The following ESYT3 variants were observed in gnomAD, a reference collection of about 807,000 sequenced individuals.
ESYT3 encodes the protein extended synaptotagmin-3.
In ESYT3, 101 loss-of-function variants were observed where a neutral mutation model predicts 111.5. That is an observed-to-expected ratio of 0.91 (90% CI 0.77 to 1.07). ESYT3 has a LOEUF of 1.07. Among genes scored for constraint, ESYT3 ranks in the 50% least tolerant of loss-of-function variants. ESYT3 has a pLI of 0.00. For missense variants in ESYT3, 1,097 were observed against 1,109.4 expected (o/e 0.99, Z 0.16); for synonymous variants, 416 against 446.8 (o/e 0.93, Z 0.87).
chr3:138,448,588 C>T (rs1321803401), intron 1 of ESYT3, among the ~76,000 whole-genome samples: 3 of 151,996 alleles, frequency 2.0e-5, no homozygotes, highest in African/African-American at 4.8e-5. Context: ...AAGACCTAAA[C>T]GTGAAAGCCA....
chr3:138,477,308 G>A lies in ESYT3; in HGVS notation c.*454G>A, dbSNP rs2033530856. On this transcript the variant is annotated 3_prime_UTR_variant, in exon 23 of 23. Transcript: ENST00000389567. ...ATTCCTGGGCAGTGACTGGCCAAAG[G>A]GAAGTCACTTTTTTATGGAAATAGA... 1 of 152,874 alleles carries A rather than the reference G, an allele frequency of 6.5e-6. No individual in the cohort carries two copies. Among genetic ancestry groups the A allele is most frequent in the East Asian group, 1.9e-4 (1 of 5,230 alleles). The allele number at this position is 152,874 out of a possible 1,614,324, so 9.5% of individuals were successfully genotyped here. A position where few individuals can be genotyped will look rare whatever the true frequency, so the allele number is the denominator to read the frequency against.
chr3:138,465,351 G>C lies in ESYT3; in HGVS notation c.1099G>C (p.Glu367Gln), dbSNP rs775152608. ...WNEVFEFMVY[E>Q]VPGQDLEVDL... is the part of the protein sequence containing the mutation. ...TTTTTCCTTCCAGTTCATGGTGTAC[G>C]AAGTCCCTGGACAGGACCTGGAGGT... Residue 367 changes from glutamate (E) to glutamine (Q), a missense_variant, in exon 10 of 23, where the codon GAA becomes CAA. Coordinates refer to ENST00000389567, the MANE Select transcript of ESYT3 (RefSeq NM_031913.5). 57 of 1,592,504 alleles carry C rather than the reference G, an allele frequency of 3.6e-5. No individual in the cohort carries two copies. In the Admixed American group the frequency reaches 9.9e-4, roughly 28 times the overall value.
In ESYT3 at chr3:138,434,652, T is replaced by G. The variant is rs1400970799; in HGVS notation, c.-147T>G. 1 of 722,676 alleles carries G rather than the reference T, an allele frequency of 1.4e-6. No homozygotes were observed. The highest frequency in any genetic ancestry group is 1.9e-5 in the African/African-American group (1 of 53,508). 44.8% of individuals were successfully genotyped at this position (722,676 alleles called of 1,614,324 possible). ...CGCTGCTCTCCGTCGCAGAGAACCC[T>G]GAGCTCGGCGCGCCGAGAGTCCCAG... On this transcript the variant is annotated 5_prime_UTR_variant, in exon 1 of 23. Transcript: ENST00000389567.
At chr3:138,460,698 A>G (rs2032583036) in intron 7 of ESYT3, 32 bp downstream of exon 7, 1 of 1,613,084 alleles carries the variant, frequency 6.2e-7, no homozygotes, top group Non-Finnish European at 8.5e-7. Flanking sequence ...GAGGGAGATC[A>G]TAAGTTTGGG....
chr3:138,440,098 G>A lies in ESYT3; in HGVS notation c.327+4973G>A, dbSNP rs1439264418. 1.3e-5 allele frequency among the ~76,000 whole-genome samples: 2 copies of A among 152,144 alleles called. No individual in the cohort carries two copies. Among genetic ancestry groups the A allele is most frequent in the African/African-American group, 4.8e-5 (2 of 41,428 alleles). ...CTGTAGGGTCTGCCATCATTAACCA[G>A]TCCCGAGCCTGCTTTTCTCTGGTGA... On this transcript the variant is annotated intron_variant, in intron 1 of 22. Coordinates refer to ENST00000389567, the MANE Select transcript of ESYT3 (RefSeq NM_031913.5). This position sits in a 1 kb window ranked among gnomAD's most constrained non-coding sequence, Gnocchi z 4.2.
At position 138,468,641 on chromosome 3, in the gene ESYT3, G is replaced by T; in HGVS notation, c.1309-14G>T. 1.9e-6 allele frequency: 3 copies of T among 1,613,998 alleles called. No homozygotes were observed. Among genetic ancestry groups the T allele is most frequent in the Non-Finnish European group, 2.5e-6 (3 of 1,179,918 alleles). On this transcript the variant is annotated splice_polypyrimidine_tract_variant and intron_variant, in intron 12 of 22. Coordinates refer to ENST00000389567, the MANE Select transcript of ESYT3 (RefSeq NM_031913.5). ...TGCTGGGAGTACCCAGTGAGGGTCT[G>T]TGTCTGTTTGCAGGACCATGGTGGC...
At position 138,434,866 on chromosome 3, in the gene ESYT3, C is replaced by G. The variant is rs771406748; in HGVS notation, c.68C>G (p.Pro23Arg). The change falls in exon 1 of 23, where the codon CCC becomes CGC. Residue 23 changes from proline to arginine, a missense_variant. Coordinates refer to ENST00000389567, the MANE Select transcript of ESYT3 (RefSeq NM_031913.5). ...SALGAQRTPG[P>R]ELRLSSQLLP... The stretch of plus-strand genomic sequence containing the variant: ...CTGGGAGCCCAGCGCACGCCGGGCC[C>G]CGAGCTGCGCCTGTCCAGCCAGCTG... 1 of 1,549,572 alleles carries G rather than the reference C, an allele frequency of 6.5e-7. No individual in the cohort carries two copies. Among genetic ancestry groups the G allele is most frequent in the Non-Finnish European group, 8.7e-7 (1 of 1,146,854 alleles).
At chr3:138,470,835 G>T (rs779516878) in intron 16 of ESYT3, 42 bp from the exon 17 acceptor site, 11 of 1,612,718 alleles carry the variant, frequency 6.8e-6, no homozygotes, top group Non-Finnish European at 9.3e-6. Context: ...GGAGTGGTGG[G>T]GCTTGGTTAT....
rs1360565305 is a variant in ESYT3, at chr3:138,471,649, A to T, written c.1740+623A>T. Among the ~76,000 whole-genome samples the T allele has an allele frequency of 7.9e-5, 12 of 152,314 alleles. No individual in the cohort carries two copies. In the East Asian group the frequency reaches 1.9e-3, roughly 24 times the overall value. On this transcript the variant is annotated intron_variant, in intron 17 of 22. Coordinates refer to ENST00000389567, the MANE Select transcript of ESYT3 (RefSeq NM_031913.5). ...TGATGGTGACTCATTTCTGTTTTAT[A>T]ACTTGGATTGCAAACATATGTTCAG...
At chr3:138,454,019 C>T (rs915820336) in intron 2 of ESYT3, among the ~76,000 whole-genome samples, 5 of 152,208 alleles carry the variant, frequency 3.3e-5, no homozygotes, top group Admixed American at 6.5e-5. Context: ...AGCAATGACA[C>T]GTCTGGTAAT....
At chr3:138,436,602 CTT>C (rs772796331) in intron 1 of ESYT3, among the ~76,000 whole-genome samples, 1 of 152,216 alleles carries the variant, frequency 6.6e-6, no homozygotes, top group Non-Finnish European at 1.5e-5. Context: ...AGGGTGCACA[CTT>C]TTCTACGGTA....
rs775216831 is a variant in ESYT3 at position 138,464,515 on chromosome 3, G to C, written c.1086G>C (p.Glu362Asp). ...ACCCCACCTGGAACGAAGTGTTTGAGGTAAGGGTCTCCTTGGCTGCTTCTA... is the reference window on the plus strand; with the variant it reads ...ACCCCACCTGGAACGAAGTGTTTGACGTAAGGGTCTCCTTGGCTGCTTCTA... The part of the protein sequence containing the change: ...NLNPTWNEVF[E>D]FMVYEVPGQD... The change falls in exon 9 of 23, where the codon GAG becomes GAC. Residue 362 changes from glutamate to aspartate, a missense_variant and splice_region_variant. Coordinates refer to ENST00000389567, the MANE Select transcript of ESYT3 (RefSeq NM_031913.5). The C allele has an allele frequency of 6.2e-7, 1 of 1,613,930 alleles. No individual in the cohort carries two copies. Among genetic ancestry groups the C allele is most frequent in the Non-Finnish European group, 8.5e-7 (1 of 1,179,944 alleles).
At chr3:138,437,724 G>A (rs2030826612) in intron 1 of ESYT3, among the ~76,000 whole-genome samples, 1 of 152,272 alleles carries the variant, frequency 6.6e-6, no homozygotes, top group East Asian at 1.9e-4. Context: ...TTTCAGCCAA[G>A]ATGGTAGTAA....
intron 10 of ESYT3, among the ~76,000 whole-genome samples, chr3:138,466,387 C>T (rs1000645295): frequency 2.6e-5 from 4 of 152,194 alleles, no homozygotes; most frequent in African/African-American, 9.7e-5. Context: ...CAAGCAGAAT[C>T]TATGTGTATT....
At chr3:138,461,675 C>T (rs1293467335) in intron 7 of ESYT3, among the ~76,000 whole-genome samples, 1 of 152,200 alleles carries the variant, frequency 6.6e-6, no homozygotes, top group Non-Finnish European at 1.5e-5. Flanking sequence ...GAACAAACAA[C>T]CCCAGGAATA....
chr3:138,446,996 C>T (rs553538365), intron 1 of ESYT3, among the ~76,000 whole-genome samples: 29 of 152,314 alleles, frequency 1.9e-4, no homozygotes, highest in Non-Finnish European at 3.7e-4. Flanking sequence ...AATCACACCA[C>T]TGCACTCCAG....
chr3:138,479,464 T>C lies in ESYT3; in HGVS notation c.*2610T>C, dbSNP rs957887406. ...GTGTCAGTCACTAATTCATTACCTCTCAGCTTCAAATTGACGTCTGTCTCC... is the reference window on the plus strand; with the variant it reads ...GTGTCAGTCACTAATTCATTACCTCCCAGCTTCAAATTGACGTCTGTCTCC... On this transcript the variant is annotated 3_prime_UTR_variant, in exon 23 of 23. Transcript: ENST00000389567. 6.6e-6 allele frequency: 1 copy of C among 152,370 alleles called. No individual in the cohort carries two copies. Among genetic ancestry groups the C allele is most frequent in the Admixed American group, 6.5e-5 (1 of 15,312 alleles). The allele number at this position is 152,370 out of a possible 1,614,324, so 9.4% of individuals were successfully genotyped here.
At chr3:138,449,286 A>G (rs1404578389) in intron 1 of ESYT3, among the ~76,000 whole-genome samples, 1 of 151,822 alleles carries the variant, frequency 6.6e-6, no homozygotes, top group South Asian at 2.1e-4. Context: ...GAGTTTTGCC[A>G]TGTTGGCCAG....
intron 1 of ESYT3, among the ~76,000 whole-genome samples, chr3:138,443,356 A>G (rs2031295471): frequency 6.6e-6 from 1 of 152,270 alleles, no homozygotes; most frequent in Admixed American, 6.5e-5. Flanking sequence ...TTTGCCTTCC[A>G]AGAACAGAGG....
Sources: gnomAD v4.1 joint callset for allele counts (sites outside exome capture counted in the v4.1 genomes callset) on GRCh38, gnomAD v4.1.1 for gene constraint, Gnocchi (gnomAD v3.1) non-coding constraint, MANE v1.5 for transcripts, NCBI Gene and HGNC (gene_info 2026-07-23, HGNC 2026-07-21) for gene names.